RAD54B: variants seen among roughly 807,000 people sequenced by gnomAD.
RAD54B encodes RAD54 homolog B.
Under a neutral mutation model 95.8 loss-of-function variants are expected in RAD54B, and 78 were observed. The ratio of observed to expected loss-of-function variants is 0.81; its 90% CI spans 0.68 to 0.98. RAD54B has a LOEUF of 0.98. Ranked by LOEUF, RAD54B falls within the 50% of genes least tolerant of loss-of-function variation. The pLI is 0.00. For missense variants in RAD54B, 957 were observed against 1,056.6 expected (o/e 0.91, Z 1.31); for synonymous variants, 328 against 354.9 (o/e 0.92, Z 0.85).
chr8:94,443,444 T>G (rs569989989), intron 3 of RAD54B, among the ~76,000 whole-genome samples: 7 of 151,838 alleles, frequency 4.6e-5, no homozygotes, highest in Admixed American at 1.3e-4. Context: ...CTGCATATCC[T>G]GCATATGTAC....
Position 94,469,417 on chromosome 8 carries a change from GCC to G in RAD54B, c.-16-1864_-16-1863del, listed in dbSNP as rs534923161. Among the ~76,000 whole-genome samples the G allele has an allele frequency of 2.8e-3, 421 of 152,272 alleles. 1 individual carries two copies. The highest frequency in any genetic ancestry group is 9.5e-3 in the African/African-American group (394 of 41,564). ...CTTTGCCTTCCGGCATAAATGTGAG[GCC>G]TCCCCAGCCATGTGGAACTGTGAGT... On this transcript the variant is annotated intron_variant, in intron 1 of 14. Coordinates refer to ENST00000336148, the MANE Select transcript of RAD54B (RefSeq NM_012415.3).
rs1365966974 is a variant in RAD54B at position 94,429,815 on chromosome 8, A to C, written c.305-18500T>G. On this transcript the variant is annotated intron_variant, in intron 3 of 14. Coordinates refer to ENST00000336148, the MANE Select transcript of RAD54B (RefSeq NM_012415.3). ...CCCTCTTTTTAATCCAACCAATGAA[A>C]TTAAGTAGTCAACATGCTAAAATAG... The C allele has an allele frequency of 3.0e-6, 3 of 985,294 alleles. No individual in the cohort carries two copies. The East Asian group carries it at 3.4e-4, about 112-fold the overall frequency. 61.0% of individuals were successfully genotyped at this position (985,294 alleles called of 1,614,324 possible).
At chr8:94,436,433 A>C (rs967149591) in intron 3 of RAD54B, 1 of 1,463,074 alleles carries the variant, frequency 6.8e-7, no homozygotes, top group Non-Finnish European at 9.0e-7. Flanking sequence ...ATCACGACTA[A>C]GCCAAAGCCC....
chr8:94,417,380 T>C (rs1264978313), intron 3 of RAD54B, among the ~76,000 whole-genome samples: 2 of 151,968 alleles, frequency 1.3e-5, no homozygotes, highest in East Asian at 3.9e-4. Context: ...ACACTTTACA[T>C]GACTGAATCA....
intron 5 of RAD54B, among the ~76,000 whole-genome samples, chr8:94,407,193 T>C (rs1417368111): frequency 6.6e-6 from 1 of 152,146 alleles, no homozygotes; most frequent in South Asian, 2.1e-4. Flanking sequence ...TTTAGATATG[T>C]TTCCTTCAAC....
chr8:94,407,591 A>C lies in RAD54B; in HGVS notation c.629T>G (p.Leu210Arg). The C allele has an allele frequency of 5.0e-6, 8 of 1,614,058 alleles. No individual in the cohort carries two copies. The highest frequency in any genetic ancestry group is 6.8e-6 in the Non-Finnish European group (8 of 1,179,948). Residue 210 changes from leucine to arginine, a missense_variant, in exon 5 of 15, where the codon CTT becomes CGT. Coordinates refer to ENST00000336148, the MANE Select transcript of RAD54B (RefSeq NM_012415.3). Reference protein sequence around the residue: ...DDFSSGRCFQLGGGSTAISHS... With the variant: ...DDFSSGRCFQRGGGSTAISHS... ...CGAGATAGCAGTACTTCCTCCTCCA[A>C]GCTGAAAACACCTGCCACTGCTGAA...
intron 3 of RAD54B, chr8:94,437,050 T>G (rs1340147111): frequency 2.4e-5 from 31 of 1,272,558 alleles, no homozygotes; most frequent in Non-Finnish European, 3.0e-5. Flanking sequence ...TCAGGAAATC[T>G]GCTTAAGCCA....
At chr8:94,470,174 C>G (rs1035845777) in intron 1 of RAD54B, among the ~76,000 whole-genome samples, 1 of 152,188 alleles carries the variant, frequency 6.6e-6, no homozygotes, top group Non-Finnish European at 1.5e-5. Context: ...GAATAATCAG[C>G]TGGGCAGGAC....
intron 3 of RAD54B, among the ~76,000 whole-genome samples, chr8:94,422,696 T>C (rs1444811616): frequency 7.5e-6 from 1 of 133,718 alleles, no homozygotes; most frequent in Admixed American, 7.6e-5. Flanking sequence ...TTCCAGTTTT[T>C]GCCAATTCTA....
At chr8:94,436,450 T>C (rs766257436) in intron 3 of RAD54B, 12 of 1,484,588 alleles carry the variant, frequency 8.1e-6, no homozygotes, top group Admixed American at 2.4e-5. Flanking sequence ...GCCCAATAGA[T>C]AGGAGGCGCC....
At chr8:94,380,575 A>C (rs1325776511) in intron 11 of RAD54B, among the ~76,000 whole-genome samples, 169 bp from the exon 12 acceptor site, 2 of 152,236 alleles carry the variant, frequency 1.3e-5, no homozygotes, top group Non-Finnish European at 2.9e-5. Flanking sequence ...TTTAAAGTCA[A>C]TATCTAAACT....
At chr8:94,419,704 C>T (rs924271628) in intron 3 of RAD54B, among the ~76,000 whole-genome samples, 2 of 128,906 alleles carry the variant, frequency 1.6e-5, no homozygotes, top group Non-Finnish European at 3.2e-5. Context: ...AAACCCAGGT[C>T]ATTTAAAAAC....
chr8:94,442,453 T>C lies in RAD54B; in HGVS notation c.304+15815A>G, dbSNP rs191886379. ...AGCCAGGCGTGGTGGCAGGCGCCTG[T>C]AGTCCCAGCTACTCGGGAGGCTGAA... On this transcript the variant is annotated intron_variant, in intron 3 of 14. Transcript: ENST00000336148. Among the ~76,000 whole-genome samples, 35 of 151,850 alleles carry C rather than the reference T, an allele frequency of 2.3e-4. No individual in the cohort carries two copies. The East Asian group carries it at 6.8e-3, about 29-fold the overall frequency.
intron 3 of RAD54B, among the ~76,000 whole-genome samples, chr8:94,449,742 TGA>T (rs981704443): frequency 4.6e-5 from 7 of 152,104 alleles, no homozygotes; most frequent in African/African-American, 1.7e-4. Context: ...AGGATGCATA[TGA>T]GAGAGTCAAT....
chr8:94,383,951 G>GAA (rs1810805680), intron 11 of RAD54B, among the ~76,000 whole-genome samples: 1 of 152,116 alleles, frequency 6.6e-6, no homozygotes, highest in South Asian at 2.1e-4. Context: ...AGTCCTCTAT[G>GAA]AAAAACAGTA....
chr8:94,399,696 G>C, intron 7 of RAD54B, 75 bp from the exon 8 acceptor site: 1 of 1,467,236 alleles, frequency 6.8e-7, no homozygotes, highest in Non-Finnish European at 9.0e-7. Flanking sequence ...GCCTATTCCT[G>C]ACAGTCACTT....
chr8:94,396,173 T>C (rs1016301759), intron 8 of RAD54B, among the ~76,000 whole-genome samples: 1 of 152,052 alleles, frequency 6.6e-6, no homozygotes, highest in African/African-American at 2.4e-5. Context: ...TTGTAAGAGT[T>C]TGTCACATTG....
At chr8:94,419,953 T>C (rs1040891205) in intron 3 of RAD54B, among the ~76,000 whole-genome samples, 1 of 152,160 alleles carries the variant, frequency 6.6e-6, no homozygotes, top group African/African-American at 2.4e-5. Context: ...ACTGTATATT[T>C]TCTATTTTTA....
At chr8:94,389,035 C>A (rs1166120731) in intron 10 of RAD54B, among the ~76,000 whole-genome samples, 1 of 152,162 alleles carries the variant, frequency 6.6e-6, no homozygotes, top group African/African-American at 2.4e-5. Flanking sequence ...TGCATTCTGT[C>A]CTATGAAAGA....
Sources: allele counts gnomAD v4.1 joint callset (sites outside exome capture counted in the v4.1 genomes callset), GRCh38; gene constraint gnomAD v4.1.1; transcripts MANE v1.5; gene names NCBI Gene and HGNC (gene_info 2026-07-23, HGNC 2026-07-21).